The following SERINC1 variants were observed in gnomAD, a reference collection of about 807,000 sequenced individuals.
The protein encoded by SERINC1 is tumor differentially expressed protein 2.
A neutral mutation model predicts 52.9 loss-of-function variants in SERINC1; 38 were observed. The observed-to-expected ratio is 0.72, with a 90% CI of 0.55 to 0.94. The LOEUF (loss-of-function observed/expected upper bound fraction) is 0.94. SERINC1 is among the 40% of genes least tolerant of loss of function. The pLI is 0.00. For missense variants in SERINC1, 471 were observed against 533.9 expected, an observed-to-expected ratio of 0.88 and a Z score of 1.16; for synonymous variants, 198 against 183.1, an observed-to-expected ratio of 1.08 and a Z score of -0.66.
At chr6:122,467,251 T>C (rs1018613842) in intron 1 of SERINC1, among the ~76,000 whole-genome samples, 2 of 152,164 alleles carry the variant, frequency 1.3e-5, no homozygotes, top group African/African-American at 2.4e-5. Context: ...AATCATGACA[T>C]GTATCTGAAC....
intron 1 of SERINC1, among the ~76,000 whole-genome samples, chr6:122,462,748 AAAAG>A (rs1775126013): frequency 6.6e-6 from 1 of 152,260 alleles, no homozygotes; most frequent in Non-Finnish European, 1.5e-5. Flanking sequence ...ACTGAAAACA[AAAAG>A]AAAATAGTTA....
intron 1 of SERINC1, among the ~76,000 whole-genome samples, chr6:122,466,222 C>T (rs781020486): frequency 1.6e-4 from 24 of 152,218 alleles, no homozygotes; most frequent in Middle Eastern, 6.8e-3. Flanking sequence ...CGCTCCATCC[C>T]GGGCAACAAA....
At chr6:122,464,288 A>C (rs1188799899) in intron 1 of SERINC1, among the ~76,000 whole-genome samples, 1 of 152,222 alleles carries the variant, frequency 6.6e-6, no homozygotes, top group Non-Finnish European at 1.5e-5. Context: ...AAGTCCTTAA[A>C]ATAGAGAATC....
At chr6:122,446,480 G>GA (rs920058581) in intron 9 of SERINC1, among the ~76,000 whole-genome samples, 23 of 147,186 alleles carry the variant, frequency 1.6e-4, no homozygotes, top group Admixed American at 2.7e-4. Flanking sequence ...TTACAGAATT[G>GA]AAAAAAAAAA....
intron 2 of SERINC1, 144 bp downstream of exon 2, chr6:122,458,376 T>A (rs1397201227): frequency 4.0e-6 from 2 of 500,096 alleles, no homozygotes; most frequent in Admixed American, 3.7e-5. Flanking sequence ...ATTATCTTTT[T>A]CCTAAAAGAT....
intron 3 of SERINC1, 50 bp downstream of exon 3, chr6:122,456,431 C>A: frequency 8.3e-7 from 1 of 1,198,878 alleles, no homozygotes. Context: ...TGGCAATTAT[C>A]AAGAAGAGGC....
At chr6:122,463,795 T>G (rs1020575360) in intron 1 of SERINC1, among the ~76,000 whole-genome samples, 7 of 152,180 alleles carry the variant, frequency 4.6e-5, no homozygotes, top group Non-Finnish European at 1.0e-4. Flanking sequence ...TGTTTCTTAT[T>G]TTTAAATCAA....
chr6:122,461,068 C>T (rs1775092634), intron 1 of SERINC1, among the ~76,000 whole-genome samples: 1 of 151,834 alleles, frequency 6.6e-6, no homozygotes, highest in South Asian at 2.1e-4. Context: ...CTTTAAATAG[C>T]CTAATATAAG....
intron 1 of SERINC1, among the ~76,000 whole-genome samples, chr6:122,470,392 C>T (rs890345251): frequency 3.3e-5 from 5 of 152,174 alleles, no homozygotes; most frequent in African/African-American, 4.8e-5. Context: ...AACTACAGCA[C>T]GCCCACTTCA....
Position 122,451,776 on chromosome 6 carries a change from A to AAAAAAAAATAT in SERINC1, c.760-23_760-22insATATTTTTTTT. ...ATTCCTACAAAAAAAAAAAAAAAAAAATATATATATATATATATAGCAACA... is the reference window on the plus strand; with the variant it reads ...ATTCCTACAAAAAAAAAAAAAAAAAAAAAAAAAATATATATATATATATATATATAGCAACA... On this transcript the variant is annotated intron_variant, in intron 6 of 9. Transcript: ENST00000339697. 861 of 111,878 alleles carry AAAAAAAAATAT rather than the reference A, an allele frequency of 7.7e-3. 42 individuals are homozygous for AAAAAAAAATAT. Among genetic ancestry groups the AAAAAAAAATAT allele is most frequent in the Admixed American group, 0.011 (33 of 3,122 alleles). The allele number at this position is 111,878 out of a possible 1,614,324, so 6.9% of individuals were successfully genotyped here.
At chr6:122,456,157 T>C (rs1185146288) in intron 3 of SERINC1, among the ~76,000 whole-genome samples, 3 of 151,904 alleles carry the variant, frequency 2.0e-5, no homozygotes, top group Non-Finnish European at 2.9e-5. Flanking sequence ...GAACTGAGAG[T>C]TCTATGTAAG....
rs968662900 is a variant in SERINC1 at position 122,445,082 on chromosome 6, C to T, written c.1324G>A (p.Val442Met). Reference sequence around the variant, plus strand: ...CGATTTGTAAGAACAAGTGGTGCCACGAGTGTCCAAACATACAGCACGATG... The same window carrying T: ...CGATTTGTAAGAACAAGTGGTGCCATGAGTGTCCAAACATACAGCACGATG... ...IGIVLYVWTLVAPLVLTNRDF... is the reference protein window; with the variant it reads ...IGIVLYVWTLMAPLVLTNRDF... Residue 442 changes from valine (V) to methionine (M), a missense_variant, in exon 10 of 10, where the codon GTG becomes ATG. By Grantham distance (21) the Val-to-Met change is conservative (BLOSUM62 1). Transcript: ENST00000339697. 3.7e-6 allele frequency: 6 copies of T among 1,613,828 alleles called. No individual in the cohort carries two copies. The highest frequency in any genetic ancestry group is 2.7e-5 in the African/African-American group (2 of 74,906).
chr6:122,461,065 T>C (rs897419482), intron 1 of SERINC1, among the ~76,000 whole-genome samples: 1 of 152,102 alleles, frequency 6.6e-6, no homozygotes, highest in Non-Finnish European at 1.5e-5. Flanking sequence ...CAACTTTAAA[T>C]AGCCTAATAT....
At chr6:122,463,502 A>C (rs1444126063) in intron 1 of SERINC1, among the ~76,000 whole-genome samples, 1 of 152,210 alleles carries the variant, frequency 6.6e-6, no homozygotes, top group Non-Finnish European at 1.5e-5. Flanking sequence ...CTAAAAACTC[A>C]GTGATAAGAA....
rs761451634 is a variant in SERINC1 at position 122,445,003 on chromosome 6, A to T, written c.*41T>A. On this transcript the variant is annotated 3_prime_UTR_variant, in exon 10 of 10. Coordinates refer to ENST00000339697, the MANE Select transcript of SERINC1 (RefSeq NM_020755.4). ...AAAGTTGGGAATACTGTTTTCAAAT[A>T]AGCAATAATCAAAGTGGGACTTTCA... 6.3e-7 allele frequency: 1 copy of T among 1,587,218 alleles called. No homozygotes were observed. Among genetic ancestry groups the T allele is most frequent in the Non-Finnish European group, 8.6e-7 (1 of 1,165,070 alleles).
intron 1 of SERINC1, among the ~76,000 whole-genome samples, chr6:122,460,562 G>A (rs1348130353): frequency 6.6e-6 from 1 of 152,040 alleles, no homozygotes; most frequent in Non-Finnish European, 1.5e-5. Context: ...GAAACCTAAA[G>A]GCAAATAAAA....
At chr6:122,451,776 A>AAAAAATATACATATAT in intron 6 of SERINC1, 22 bp from the exon 7 acceptor site, 1 of 95,480 alleles carries the variant, frequency 1.0e-5, no homozygotes, top group African/African-American at 7.7e-5. Flanking sequence ...AAAAAAAAAA[A>AAAAAATATACATATAT]ATATATATAT....
rs969608815 is a variant in SERINC1 at position 122,444,154 on chromosome 6, C to T, written c.*890G>A. ...GGACCACAGGCATATGCTACAAAGCCCAGATTATTTTTTATAGAAACAGGG... is the reference window on the plus strand; with the variant it reads ...GGACCACAGGCATATGCTACAAAGCTCAGATTATTTTTTATAGAAACAGGG... On this transcript the variant is annotated 3_prime_UTR_variant, in exon 10 of 10. Coordinates refer to ENST00000339697, the MANE Select transcript of SERINC1 (RefSeq NM_020755.4). The T allele has an allele frequency of 6.6e-6, 1 of 151,996 alleles. No individual in the cohort carries two copies. Among genetic ancestry groups the T allele is most frequent in the African/African-American group, 2.4e-5 (1 of 41,346 alleles). The allele number at this position is 151,996 out of a possible 1,614,324, so 9.4% of individuals were successfully genotyped here.
Position 122,458,537 on chromosome 6 carries a change from C to G in SERINC1, c.184G>C (p.Glu62Gln). ...AGACTAACCTTATTCAGTTGTTCTT[C>G]CATTCCTGGTATCAACATTACACAA... ...VACVMLIPGMEEQLNKIPGFC... is the reference protein window; with the variant it reads ...VACVMLIPGMQEQLNKIPGFC... The change falls in exon 2 of 10, where the codon GAA (glutamate) becomes CAA (glutamine). Residue 62 changes from glutamate to glutamine, a missense_variant. By Grantham distance (29) the Glu-to-Gln change is conservative. Coordinates refer to ENST00000339697, the MANE Select transcript of SERINC1 (RefSeq NM_020755.4). The G allele has an allele frequency of 6.2e-7, 1 of 1,612,484 alleles. No homozygotes were observed. The highest frequency in any genetic ancestry group is 1.1e-5 in the South Asian group (1 of 90,878).
Sources: gnomAD v4.1 joint callset for allele counts (sites outside exome capture counted in the v4.1 genomes callset) on GRCh38, gnomAD v4.1.1 for gene constraint, MANE v1.5 for transcripts, NCBI Gene and HGNC (gene_info 2026-07-23, HGNC 2026-07-21) for gene names.